Variants in INPP4B observed in about 807,000 individuals in gnomAD.
INPP4B encodes inositol polyphosphate 4-phosphatase type II.
Under a neutral mutation model 122.5 loss-of-function variants are expected in INPP4B, and 55 were observed. The observed-to-expected ratio is 0.45, with a 90% CI of 0.36 to 0.56. INPP4B has a LOEUF of 0.56. Ranked by LOEUF, INPP4B falls within the 20% of genes least tolerant of loss-of-function variation. The probability of loss-of-function intolerance (pLI) is 0.00; values close to 1 mark genes in which losing one functional copy is unlikely to be tolerated. For missense variants in INPP4B, 1,000 were observed against 1,097.7 expected, an observed-to-expected ratio of 0.91 and a Z score of 1.26; for synonymous variants, 403 against 388.7, an observed-to-expected ratio of 1.04 and a Z score of -0.43.
intron 11 of INPP4B, among the ~76,000 whole-genome samples, chr4:142,259,847 A>G (rs1738849914): frequency 1.3e-5 from 2 of 152,132 alleles, no homozygotes; most frequent in Non-Finnish European, 2.9e-5. Context: ...ACCTTAGCCT[A>G]GGCCCACATG....
intron 11 of INPP4B, among the ~76,000 whole-genome samples, chr4:142,243,012 C>G (rs1455866768): frequency 6.6e-6 from 1 of 152,090 alleles, no homozygotes; most frequent in Non-Finnish European, 1.5e-5. Flanking sequence ...AGATGTTTCT[C>G]GTCATTACTC....
At chr4:142,386,479 A>G (rs980652177) in intron 7 of INPP4B, among the ~76,000 whole-genome samples, 4 of 152,208 alleles carry the variant, frequency 2.6e-5, no homozygotes, top group African/African-American at 9.6e-5. Flanking sequence ...ACTGCAACCT[A>G]ACTTAATAGG....
At chr4:142,064,625 CT>C (rs1214053448) in intron 25 of INPP4B, among the ~76,000 whole-genome samples, 2 of 151,942 alleles carry the variant, frequency 1.3e-5, no homozygotes, top group Non-Finnish European at 2.9e-5. Context: ...GCATTTTTCC[CT>C]TTTTTTCTGG....
intron 2 of INPP4B, among the ~76,000 whole-genome samples, chr4:142,491,480 C>A (rs1405451501): frequency 1.3e-5 from 2 of 151,994 alleles, no homozygotes; most frequent in African/African-American, 4.8e-5. Flanking sequence ...ATGGTGAAAT[C>A]CCGTCTCTAT....
intron 2 of INPP4B, among the ~76,000 whole-genome samples, chr4:142,574,576 G>A (rs147004835): frequency 9.2e-4 from 140 of 152,142 alleles, no homozygotes; most frequent in Non-Finnish European, 1.0e-3. Flanking sequence ...ATGTTCTCAC[G>A]TCACTTTCTG....
intron 1 of INPP4B, among the ~76,000 whole-genome samples, chr4:142,734,911 C>T (rs938174117): frequency 8.2e-4 from 125 of 152,260 alleles, no homozygotes; most frequent in African/African-American, 2.9e-3. Flanking sequence ...TCCCAAAGTG[C>T]TTGGATTACA....
intron 1 of INPP4B, among the ~76,000 whole-genome samples, chr4:142,835,069 G>A (rs1338738333): frequency 6.6e-6 from 1 of 152,212 alleles, no homozygotes; most frequent in Non-Finnish European, 1.5e-5. Flanking sequence ...ATCCCCTGAA[G>A]TTTTAGGCAG....
At position 142,756,601 on chromosome 4, in the gene INPP4B, A is replaced by G. The variant is rs1217445959; in HGVS notation, c.-253-30700T>C. Reference sequence around the variant, plus strand: ...GTGGGCATAGATTATTATAACTTAGAAAGGAAAGGTGATTCAAAGTATTAG... The same window carrying G: ...GTGGGCATAGATTATTATAACTTAGGAAGGAAAGGTGATTCAAAGTATTAG... On this transcript the variant is annotated intron_variant, in intron 1 of 25. Transcript: ENST00000262992. 2.0e-5 allele frequency among the ~76,000 whole-genome samples: 3 copies of G among 152,080 alleles called. No individual in the cohort carries two copies. In the East Asian group the frequency reaches 5.8e-4, roughly 29 times the overall value.
At chr4:142,676,967 G>T (rs1204488388) in intron 2 of INPP4B, among the ~76,000 whole-genome samples, 1 of 152,050 alleles carries the variant, frequency 6.6e-6, no homozygotes, top group African/African-American at 2.4e-5. Context: ...AAAAGCAATG[G>T]CAACAAACGC....
chr4:142,562,521 G>A (rs181929390), intron 2 of INPP4B, among the ~76,000 whole-genome samples: 8 of 152,228 alleles, frequency 5.3e-5, no homozygotes, highest in Non-Finnish European at 1.2e-4. Flanking sequence ...TACCAGGATT[G>A]GATGCCAAGC....
intron 25 of INPP4B, 139 bp from the exon 26 acceptor site, chr4:142,029,053 A>G: frequency 7.1e-7 from 1 of 1,409,956 alleles, no homozygotes; most frequent in Non-Finnish European, 9.2e-7. Context: ...TCCACAAGTG[A>G]TGATACATCT....
intron 2 of INPP4B, among the ~76,000 whole-genome samples, chr4:142,567,906 T>G (rs1731983838): frequency 6.6e-6 from 1 of 152,142 alleles, no homozygotes; most frequent in African/African-American, 2.4e-5. Context: ...TGCTTGCAAT[T>G]AAAACACAAA....
At chr4:142,526,693 T>C (rs1826958617) in intron 2 of INPP4B, among the ~76,000 whole-genome samples, 1 of 152,102 alleles carries the variant, frequency 6.6e-6, no homozygotes, top group Admixed American at 6.6e-5. Flanking sequence ...GTTTGAAACA[T>C]GTCACTCCTA....
chr4:142,393,191 G>C (rs908855593), intron 7 of INPP4B, among the ~76,000 whole-genome samples: 4 of 151,976 alleles, frequency 2.6e-5, no homozygotes, highest in African/African-American at 9.7e-5. Flanking sequence ...CCAAGGCCCT[G>C]AGTTTTGCAC....
chr4:142,297,887 T>C (rs1441566391), intron 9 of INPP4B, among the ~76,000 whole-genome samples: 1 of 152,220 alleles, frequency 6.6e-6, no homozygotes, highest in East Asian at 1.9e-4. Flanking sequence ...ACGATATTTA[T>C]AGTTTTTCTC....
At chr4:142,211,263 A>G (rs1844762416) in intron 12 of INPP4B, among the ~76,000 whole-genome samples, 1 of 152,244 alleles carries the variant, frequency 6.6e-6, no homozygotes, top group Admixed American at 6.5e-5. Flanking sequence ...GAAATTAATA[A>G]GCACATTAAT....
At chr4:142,095,666 A>T (rs2152587697) in intron 23 of INPP4B, among the ~76,000 whole-genome samples, 2 of 152,316 alleles carry the variant, frequency 1.3e-5, no homozygotes, top group South Asian at 4.1e-4. Context: ...AGATTATCAG[A>T]GAATCAGTGA....
rs143195237 is a variant in INPP4B at position 142,627,677 on chromosome 4, T to A, written c.-191+98162A>T. Among the ~76,000 whole-genome samples the A allele has an allele frequency of 3.0e-3, 446 of 148,958 alleles. 1 individual carries two copies. The highest frequency in any genetic ancestry group is 5.7e-3 in the Non-Finnish European group (385 of 67,012). On this transcript the variant is annotated intron_variant, in intron 2 of 25. Coordinates refer to ENST00000262992, the MANE Select transcript of INPP4B (RefSeq NM_001101669.3). ...TGCCAGTATTTTATTGAGGATTTTT[T>A]CACGAATGTTCATCAAGGATATTGG...
chr4:142,733,365 G>A (rs1410505035), intron 1 of INPP4B, among the ~76,000 whole-genome samples: 2 of 152,052 alleles, frequency 1.3e-5, no homozygotes, highest in African/African-American at 4.8e-5. Flanking sequence ...GAAATGACAA[G>A]CCATGGAGTA....
Sources: gnomAD v4.1 joint callset for allele counts (sites outside exome capture counted in the v4.1 genomes callset) on GRCh38, gnomAD v4.1.1 for gene constraint, MANE v1.5 for transcripts, NCBI Gene and HGNC (gene_info 2026-07-23, HGNC 2026-07-21) for gene names.